The following CSMD1 variants were observed in gnomAD, a reference collection of about 807,000 sequenced individuals.
CSMD1 encodes CUB and Sushi multiple domains 1.
In CSMD1, 213 loss-of-function variants were observed where a neutral mutation model predicts 417.5. The ratio of observed to expected loss-of-function variants is 0.51; its 90% CI spans 0.46 to 0.57. CSMD1 has a LOEUF of 0.57. Among genes scored for constraint, CSMD1 ranks in the 20% least tolerant of loss-of-function variants. The pLI is 0.00. For missense variants in CSMD1, 6,923 were observed against 4,529.7 expected (o/e 1.53, Z -15.17); for synonymous variants, 2,862 against 1,736.8 (o/e 1.65, Z -16.11).
Position 4,113,206 on chromosome 8 carries a change from T to C in CSMD1, c.416-81107A>G, listed in dbSNP as rs542579204. On this transcript the variant is annotated intron_variant, in intron 3 of 69. Coordinates refer to ENST00000635120, the MANE Select transcript of CSMD1 (RefSeq NM_033225.6). ...CACAACAATATTGAAATTCGGACAG[T>C]TAAAAATCCTACAGTGGCTCCTATG... Among the ~76,000 whole-genome samples the C allele has an allele frequency of 1.8e-4, 27 of 152,124 alleles. 1 individual carries two copies. Among genetic ancestry groups the C allele is most frequent in the Middle Eastern group, 3.4e-3 (1 of 292 alleles).
At chr8:3,305,780 C>T (rs1804789496) in intron 25 of CSMD1, among the ~76,000 whole-genome samples, 1 of 152,144 alleles carries the variant, frequency 6.6e-6, no homozygotes, top group African/African-American at 2.4e-5. Context: ...CCTGGGTTCA[C>T]ACCATTCTCC....
At chr8:3,258,507 A>C (rs953657180) in intron 26 of CSMD1, among the ~76,000 whole-genome samples, 2 of 152,374 alleles carry the variant, frequency 1.3e-5, no homozygotes, top group East Asian at 1.9e-4. Flanking sequence ...AATGTAAATT[A>C]GTTCAACCAT....
At chr8:3,123,558 G>C (rs1304532668) in intron 41 of CSMD1, among the ~76,000 whole-genome samples, 1 of 151,854 alleles carries the variant, frequency 6.6e-6, no homozygotes, top group Non-Finnish European at 1.5e-5. Context: ...AAACTCTCTT[G>C]GAAAAATGAG....
At chr8:4,679,782 G>A (rs910895805) in intron 1 of CSMD1, among the ~76,000 whole-genome samples, 34 of 151,998 alleles carry the variant, frequency 2.2e-4, no homozygotes, top group African/African-American at 8.2e-4. Context: ...TAAGTAATAT[G>A]TGTATAAATA....
chr8:4,143,198 T>C (rs1269733609), intron 3 of CSMD1, among the ~76,000 whole-genome samples: 2 of 151,142 alleles, frequency 1.3e-5, no homozygotes, highest in Non-Finnish European at 1.5e-5. Flanking sequence ...CTGAGAATGT[T>C]TCCCTGTCCA....
intron 8 of CSMD1, among the ~76,000 whole-genome samples, chr8:3,610,056 T>C (rs1225870427): frequency 1.3e-5 from 2 of 151,998 alleles, no homozygotes; most frequent in Non-Finnish European, 2.9e-5. Flanking sequence ...CACCTTAGCC[T>C]ACAGCACCCA....
intron 54 of CSMD1, among the ~76,000 whole-genome samples, chr8:2,980,020 G>A (rs892030867): frequency 2.0e-5 from 3 of 152,114 alleles, no homozygotes; most frequent in Non-Finnish European, 2.9e-5. Flanking sequence ...CACCCACATC[G>A]TCCCATTCTT....
At chr8:4,648,958 A>G (rs1803709517) in intron 1 of CSMD1, among the ~76,000 whole-genome samples, 1 of 152,228 alleles carries the variant, frequency 6.6e-6, no homozygotes, top group Non-Finnish European at 1.5e-5. Context: ...TAGTACTGAC[A>G]CCTAGTATCC....
intron 1 of CSMD1, among the ~76,000 whole-genome samples, chr8:4,805,022 T>C (rs1446007723): frequency 6.6e-6 from 1 of 152,174 alleles, no homozygotes; most frequent in Non-Finnish European, 1.5e-5. Context: ...GAAGGTAGAA[T>C]TATACAGAAA....
intron 2 of CSMD1, among the ~76,000 whole-genome samples, chr8:4,548,199 G>A (rs552220843): frequency 1.1e-4 from 17 of 152,212 alleles, no homozygotes; most frequent in South Asian, 6.2e-4. Flanking sequence ...CTAACATAGC[G>A]CCGTCAAAAA....
At chr8:4,040,753 C>A (rs1286461328) in intron 3 of CSMD1, among the ~76,000 whole-genome samples, 2 of 152,066 alleles carry the variant, frequency 1.3e-5, no homozygotes, top group African/African-American at 2.4e-5. Context: ...ACAAGGTAAG[C>A]GACCAGTTGG....
chr8:4,583,823 C>A (rs983364436), intron 2 of CSMD1, among the ~76,000 whole-genome samples: 2 of 152,162 alleles, frequency 1.3e-5, no homozygotes, highest in Admixed American at 6.5e-5. Flanking sequence ...CCAGCAGTGG[C>A]AACCCACTCG....
chr8:4,426,188 A>C (rs1246982097), intron 2 of CSMD1, among the ~76,000 whole-genome samples: 1 of 151,926 alleles, frequency 6.6e-6, no homozygotes, highest in African/African-American at 2.4e-5. Flanking sequence ...AATAGACTGG[A>C]ATCTGTGAAT....
intron 5 of CSMD1, among the ~76,000 whole-genome samples, chr8:3,968,283 T>C (rs1029915980): frequency 1.3e-5 from 2 of 152,056 alleles, no homozygotes; most frequent in African/African-American, 2.4e-5. Flanking sequence ...AGTATGAGTA[T>C]TGCCTGGACA....
intron 4 of CSMD1, among the ~76,000 whole-genome samples, chr8:4,030,301 T>C (rs543138766): frequency 1.3e-5 from 2 of 152,308 alleles, no homozygotes; most frequent in Non-Finnish European, 2.9e-5. Flanking sequence ...CCGCCACCCA[T>C]AGCAAACTTC....
chr8:4,349,476 G>T (rs1018880220), intron 3 of CSMD1, among the ~76,000 whole-genome samples: 10 of 152,172 alleles, frequency 6.6e-5, no homozygotes, highest in African/African-American at 2.4e-4. Flanking sequence ...TATATAGGTA[G>T]AAAATGGAGA....
intron 3 of CSMD1, among the ~76,000 whole-genome samples, chr8:4,037,223 A>G (rs1044735131): frequency 2.0e-4 from 30 of 152,236 alleles, no homozygotes; most frequent in African/African-American, 7.2e-4. Context: ...GATGTTTTCT[A>G]TGACAAGTAA....
At chr8:4,956,930 C>T (rs546122295) in intron 1 of CSMD1, among the ~76,000 whole-genome samples, 5 of 152,304 alleles carry the variant, frequency 3.3e-5, no homozygotes, top group Non-Finnish European at 5.9e-5. Flanking sequence ...TTCAATTGCA[C>T]TGGACACAAG....
intron 3 of CSMD1, among the ~76,000 whole-genome samples, chr8:4,389,333 G>C (rs913620125): frequency 6.6e-6 from 1 of 152,014 alleles, no homozygotes; most frequent in Non-Finnish European, 1.5e-5. Context: ...TCCTTCTCTT[G>C]GTGAGTGTAA....
Sources: gnomAD v4.1 joint callset for allele counts (sites outside exome capture counted in the v4.1 genomes callset) on GRCh38, gnomAD v4.1.1 for gene constraint, MANE v1.5 for transcripts, NCBI Gene and HGNC (gene_info 2026-07-23, HGNC 2026-07-21) for gene names.